BCL9: variants seen among roughly 807,000 people sequenced by gnomAD.
BCL9 encodes the protein B-cell CLL/lymphoma 9 protein.
Under a neutral mutation model 88.5 loss-of-function variants are expected in BCL9, and 25 were observed. The observed-to-expected ratio is 0.28, with a 90% CI of 0.21 to 0.39. The LOEUF (loss-of-function observed/expected upper bound fraction) is 0.39, where lower values mean the gene tolerates loss of function less well. Ranked by LOEUF, BCL9 falls within the 10% of genes least tolerant of loss-of-function variation. The probability of loss-of-function intolerance (pLI) is 1.00; values close to 1 mark genes in which losing one functional copy is unlikely to be tolerated. For missense variants in BCL9, 1,817 were observed against 1,877.8 expected, an observed-to-expected ratio of 0.97 and a Z score of 0.60; for synonymous variants, 711 against 673.3, an observed-to-expected ratio of 1.06 and a Z score of -0.87.
At chr1:147,568,343 C>G (rs891301674) in intron 1 of BCL9, among the ~76,000 whole-genome samples, 21 of 152,148 alleles carry the variant, frequency 1.4e-4, no homozygotes, top group African/African-American at 5.1e-4. Context: ...GAATGCTCCA[C>G]TTCATTATGG....
rs12726351 is a variant in BCL9, at chr1:147,625,680, A to G, written c.*721A>G. On this transcript the variant is annotated 3_prime_UTR_variant, in exon 10 of 10. Coordinates refer to ENST00000234739, the MANE Select transcript of BCL9 (RefSeq NM_004326.4). ...CTCTTCAGCACTGTCTTGTCTCCCA[A>G]TATACCAACCCACTGGCACATTTTT... 15 of 232,040 alleles carry G rather than the reference A, an allele frequency of 6.5e-5. No homozygotes were observed. Among genetic ancestry groups the G allele is most frequent in the East Asian group, 6.1e-4 (10 of 16,482 alleles). 14.4% of individuals were successfully genotyped at this position (232,040 alleles called of 1,614,324 possible). A position where few individuals can be genotyped will look rare whatever the true frequency, so the allele number is the denominator to read the frequency against.
chr1:147,567,392 A>G (rs1655655092), intron 1 of BCL9, among the ~76,000 whole-genome samples: 2 of 152,116 alleles, frequency 1.3e-5, no homozygotes, highest in African/African-American at 4.8e-5. Context: ...AGAGAATGCT[A>G]CTCTGGCCTG....
At chr1:147,544,440 T>C (rs916896008) in intron 1 of BCL9, among the ~76,000 whole-genome samples, 7 of 152,142 alleles carry the variant, frequency 4.6e-5, no homozygotes, top group Non-Finnish European at 8.8e-5. Flanking sequence ...CTCTTTTTCT[T>C]AGCACACAGA....
At chr1:147,598,523 T>G (rs1351428625) in intron 1 of BCL9, among the ~76,000 whole-genome samples, 1 of 152,168 alleles carries the variant, frequency 6.6e-6, no homozygotes, top group Non-Finnish European at 1.5e-5. Context: ...CTAGCACCAT[T>G]CCTTAAAAGG....
chr1:147,613,447 G>A (rs1658115363), intron 5 of BCL9, among the ~76,000 whole-genome samples: 1 of 152,208 alleles, frequency 6.6e-6, no homozygotes, highest in Non-Finnish European at 1.5e-5. Context: ...GGTTATGGTA[G>A]GATGTTTCAC....
chr1:147,614,659 G>A (rs1351051985), intron 6 of BCL9, 43 bp downstream of exon 6: 1 of 1,527,892 alleles, frequency 6.5e-7, no homozygotes, highest in Non-Finnish European at 8.9e-7. Context: ...GGGCTTGTCT[G>A]GGGACCTAAA....
At chr1:147,605,819 C>A (rs1470764251) in intron 2 of BCL9, among the ~76,000 whole-genome samples, 1 of 152,100 alleles carries the variant, frequency 6.6e-6, no homozygotes, top group Non-Finnish European at 1.5e-5. Flanking sequence ...GATACTATGC[C>A]TTTTATGGAG....
intron 1 of BCL9, among the ~76,000 whole-genome samples, chr1:147,596,969 C>A (rs1553200577): frequency 6.6e-6 from 1 of 152,082 alleles, no homozygotes; most frequent in African/African-American, 2.4e-5. Context: ...GTGGGCTCAA[C>A]CTTTGTTAGT....
chr1:147,580,281 G>T (rs1176351812), intron 1 of BCL9, among the ~76,000 whole-genome samples: 1 of 152,210 alleles, frequency 6.6e-6, no homozygotes, highest in East Asian at 1.9e-4. Context: ...ATGTGGCAGG[G>T]AAAGGAGTGA....
At chr1:147,610,521 T>C (rs1482118871) in intron 3 of BCL9, among the ~76,000 whole-genome samples, 2 of 152,218 alleles carry the variant, frequency 1.3e-5, no homozygotes, top group Non-Finnish European at 2.9e-5. Context: ...TCTCTCAAAG[T>C]ACATGTAAGC....
chr1:147,541,732 T>TG (rs1654328738), intron 1 of BCL9, 58 bp downstream of exon 1: 1 of 151,878 alleles, frequency 6.6e-6, no homozygotes, highest in Non-Finnish European at 1.5e-5. Context: ...TGCCTGGAAG[T>TG]GGGGGTCTCA....
At chr1:147,607,690 G>A (rs1557851142) in intron 3 of BCL9, among the ~76,000 whole-genome samples, 1 of 152,146 alleles carries the variant, frequency 6.6e-6, no homozygotes, top group Non-Finnish European at 1.5e-5. Context: ...AGGGAGAGAG[G>A]TATCAAGAAT....
chr1:147,570,051 G>A (rs1655806151), intron 1 of BCL9, among the ~76,000 whole-genome samples: 1 of 152,198 alleles, frequency 6.6e-6, no homozygotes, highest in African/African-American at 2.4e-5. Context: ...CTTGTGGTTG[G>A]AAAAATCTAG....
chr1:147,606,735 G>A (rs996972118), intron 2 of BCL9, 49 bp from the exon 3 acceptor site: 1 of 152,456 alleles, frequency 6.6e-6, no homozygotes, highest in Non-Finnish European at 1.5e-5. Flanking sequence ...AATTGATGTT[G>A]TTGATTTTTT....
chr1:147,625,543 T>G lies in BCL9; in HGVS notation c.*584T>G. The G allele has an allele frequency of 6.4e-6, 1 of 155,580 alleles. No homozygotes were observed. The highest frequency in any genetic ancestry group is 1.1e-4 in the East Asian group (1 of 9,052). 9.6% of individuals were successfully genotyped at this position (155,580 alleles called of 1,614,324 possible). On this transcript the variant is annotated 3_prime_UTR_variant, in exon 10 of 10. Transcript: ENST00000234739. ...CAAACTACGACCTCAGAGCAGAGTA[T>G]TAATGAAAAGCACAAAAAAAGGAAC... is the stretch of plus-strand genomic sequence containing the variant.
Position 147,622,282 on chromosome 1 carries a change from C to T in BCL9, c.2914C>T (p.Pro972Ser). 4 of 1,614,148 alleles carry T rather than the reference C, an allele frequency of 2.5e-6. No homozygotes were observed. The highest frequency in any genetic ancestry group is 1.6e-4 in the Middle Eastern group (1 of 6,062). Reference sequence around the variant, plus strand: ...TTGCTTCCTTTTAGGTGGCCCCCCACCTCCTACAGCCAGCCAGCCTGCCTC... The same window carrying T: ...TTGCTTCCTTTTAGGTGGCCCCCCATCTCCTACAGCCAGCCAGCCTGCCTC... Reference protein sequence around the residue: ...LGNVESGGPPPPTASQPASVN... With the variant: ...LGNVESGGPPSPTASQPASVN... Residue 972 changes from proline to serine, a missense_variant, in exon 9 of 10, where the codon CCT becomes TCT. Pro to Ser is a moderately conservative substitution (Grantham distance 74). This residue lies in a region of BCL9 where 589 missense variants were observed against 686.2 expected (regional missense o/e 0.86). Coordinates refer to ENST00000234739, the MANE Select transcript of BCL9 (RefSeq NM_004326.4).
intron 1 of BCL9, among the ~76,000 whole-genome samples, chr1:147,566,249 G>T (rs1422688855): frequency 1.3e-5 from 2 of 152,140 alleles, no homozygotes; most frequent in Admixed American, 1.3e-4. Context: ...ATGCATTGTA[G>T]CTGTAGGGTC....
At position 147,625,027 on chromosome 1, in the gene BCL9, G is replaced by C. The variant is rs946902; in HGVS notation, c.*68G>C. 10,056 of 1,533,094 alleles carry C rather than the reference G, an allele frequency of 6.6e-3. 597 individuals carry two copies. In the African/African-American group the frequency reaches 0.12, roughly 19 times the overall value. The allele number at this position is 1,533,094 out of a possible 1,614,324, so 95.0% of individuals were successfully genotyped here. A position where few individuals can be genotyped will look rare whatever the true frequency, so the allele number is the denominator to read the frequency against. On this transcript the variant is annotated 3_prime_UTR_variant, in exon 10 of 10. Transcript: ENST00000234739. ...CCAGGTCCTGAGAGCTGCTTTGAGGGAGTTCCAGGAGTACTTACTATTGGT... is the reference window on the plus strand; with the variant it reads ...CCAGGTCCTGAGAGCTGCTTTGAGGCAGTTCCAGGAGTACTTACTATTGGT...
intron 1 of BCL9, among the ~76,000 whole-genome samples, chr1:147,542,535 ATTC>A (rs1381032630): frequency 2.0e-5 from 3 of 152,208 alleles, no homozygotes; most frequent in African/African-American, 7.2e-5. Context: ...TGTTATCATT[ATTC>A]TTGATCATCA....
Sources: gnomAD v4.1 joint callset for allele counts (sites outside exome capture counted in the v4.1 genomes callset) on GRCh38, gnomAD v4.1.1 for gene constraint, gnomAD v4.1.1 regional missense constraint, MANE v1.5 for transcripts, NCBI Gene and HGNC (gene_info 2026-07-23, HGNC 2026-07-21) for gene names.